DDO: variants seen among roughly 807,000 people sequenced by gnomAD.
The protein encoded by DDO is D-aspartate oxidase, also known as D-aspartate oxidase, DDO.
Under a neutral mutation model 16.8 loss-of-function variants are expected in DDO, and 16 were observed. The observed-to-expected ratio is 0.95, with a 90% CI of 0.65 to 1.45. The LOEUF is 1.45. Ranked by LOEUF, DDO falls within the 40% of genes most tolerant of loss-of-function variation. The pLI, the probability that DDO is intolerant of heterozygous loss-of-function variation, is 0.00. For synonymous variants in DDO, 180 were observed against 167.2 expected (o/e 1.08, Z -0.59); for missense variants, 429 against 420.3 (o/e 1.02, Z -0.18).
chr6:110,406,456 C>T (rs1019582943), intron 3 of DDO, among the ~76,000 whole-genome samples: 83 of 152,280 alleles, frequency 5.5e-4, no homozygotes, highest in Non-Finnish European at 9.6e-4. Flanking sequence ...CAAATCTCCC[C>T]TTAGGCATTT....
chr6:110,412,168 C>G (rs554223758), intron 2 of DDO, among the ~76,000 whole-genome samples: 30 of 152,106 alleles, frequency 2.0e-4, no homozygotes, highest in African/African-American at 6.7e-4. Context: ...ATCTCTTGAA[C>G]CCCAGAGGTG....
chr6:110,406,455 C>T (rs6922962), intron 3 of DDO, among the ~76,000 whole-genome samples: 137,598 of 152,260 alleles, frequency 0.9, 62,281 homozygotes, highest in East Asian at 0.96. Context: ...TCAAATCTCC[C>T]CTTAGGCATT....
downstream of DDO, chr6:110,388,916 A>G: frequency 1.0e-5 from 5 of 501,934 alleles, no homozygotes; most frequent in Non-Finnish European, 1.3e-5. Flanking sequence ...CTCAACTTAT[A>G]TAAACATTGA....
downstream of DDO, among the ~76,000 whole-genome samples, chr6:110,389,897 G>A (rs895506545): frequency 2.6e-5 from 4 of 152,234 alleles, no homozygotes; most frequent in Non-Finnish European, 4.4e-5. Flanking sequence ...GTAGATAAGG[G>A]AATTGGTTTC....
At chr6:110,412,248 T>C (rs1316652151) in intron 2 of DDO, among the ~76,000 whole-genome samples, 3 of 125,086 alleles carry the variant, frequency 2.4e-5, no homozygotes, top group Non-Finnish European at 5.2e-5. Context: ...GGCAAGACTC[T>C]GTCTTAAAAA....
intron 2 of DDO, among the ~76,000 whole-genome samples, chr6:110,412,092 A>G (rs917761006): frequency 2.6e-5 from 4 of 152,120 alleles, no homozygotes; most frequent in Non-Finnish European, 5.9e-5. Context: ...CTAAAAATAC[A>G]AAAATTAGCC....
At chr6:110,412,573 G>A (rs1231085040) in intron 2 of DDO, among the ~76,000 whole-genome samples, 2 of 152,210 alleles carry the variant, frequency 1.3e-5, no homozygotes, top group Non-Finnish European at 2.9e-5. Flanking sequence ...ATCATCAGAA[G>A]CGTTGAAAGT....
At chr6:110,394,329 A>G (rs1043929123) in intron 4 of DDO, among the ~76,000 whole-genome samples, 12 of 152,084 alleles carry the variant, frequency 7.9e-5, no homozygotes, top group African/African-American at 2.9e-4. Context: ...CTGGTCTGCA[A>G]CTCATGAGCT....
chr6:110,406,515 C>T (rs150398075), intron 3 of DDO, among the ~76,000 whole-genome samples: 1 of 152,320 alleles, frequency 6.6e-6, no homozygotes, highest in Non-Finnish European at 1.5e-5. Context: ...CAATCTATCT[C>T]ATCATCAACT....
At chr6:110,412,101 C>T (rs1773876841) in intron 2 of DDO, among the ~76,000 whole-genome samples, 1 of 152,024 alleles carries the variant, frequency 6.6e-6, no homozygotes, top group Non-Finnish European at 1.5e-5. Flanking sequence ...CAAAAATTAG[C>T]CGGGCGTGGT....
chr6:110,393,352 A>T lies in DDO; in HGVS notation c.459-10T>A. On this transcript the variant is annotated splice_polypyrimidine_tract_variant and intron_variant, in intron 4 of 4. Transcript: ENST00000368924. ...TCCACTTCCCTTTATCCTACGGAAGAGAGGCCATGAAGTGAATATTTGTTA... is the reference window on the plus strand; with the variant it reads ...TCCACTTCCCTTTATCCTACGGAAGTGAGGCCATGAAGTGAATATTTGTTA... The T allele has an allele frequency of 6.3e-7, 1 of 1,576,914 alleles. No individual in the cohort carries two copies. The highest frequency in any genetic ancestry group is 8.6e-7 in the Non-Finnish European group (1 of 1,159,700).
At chr6:110,415,429 C>T (rs751390738) in intron 1 of DDO, 38 bp downstream of exon 1, 13 of 1,611,710 alleles carry the variant, frequency 8.1e-6, no homozygotes, top group East Asian at 2.2e-5. Context: ...AGAGCATGGA[C>T]GGAACGACCC....
At chr6:110,408,043 C>T (rs893932257) in intron 3 of DDO, among the ~76,000 whole-genome samples, 2 of 152,166 alleles carry the variant, frequency 1.3e-5, no homozygotes, top group African/African-American at 2.4e-5. Context: ...TTACCTCCTG[C>T]GTGTTTTTTT....
chr6:110,403,913 T>A (rs1462352877), intron 4 of DDO, among the ~76,000 whole-genome samples: 1 of 152,258 alleles, frequency 6.6e-6, no homozygotes, highest in Non-Finnish European at 1.5e-5. Flanking sequence ...AAAAGTTGTG[T>A]AATTAATGAA....
At chr6:110,405,626 A>G (rs1424645463) in intron 3 of DDO, among the ~76,000 whole-genome samples, 1 of 152,240 alleles carries the variant, frequency 6.6e-6, no homozygotes, top group East Asian at 1.9e-4. Context: ...GTAAATGAAT[A>G]AATGTTATAA....
chr6:110,393,136 G>A lies in DDO; in HGVS notation c.665C>T (p.Thr222Ile), dbSNP rs771224593. Residue 222 changes from threonine to isoleucine, a missense_variant, in exon 5 of 5, where the codon ACA (threonine) becomes ATA (isoleucine). Coordinates refer to ENST00000368924, the MANE Select transcript of DDO (RefSeq NM_001372108.2). ...EHFIRDGSGL[T>I]YIYPGTSHVT... ...ATGGGATGTACCAGGATAAATATAT[G>A]TCAGCCCACTGCCATCTCGGATAAA... 1.2e-6 allele frequency: 2 copies of A among 1,614,154 alleles called. No homozygotes were observed. Among genetic ancestry groups the A allele is most frequent in the Non-Finnish European group, 1.7e-6 (2 of 1,179,990 alleles).
At chr6:110,395,114 C>G (rs1444199724) in intron 4 of DDO, among the ~76,000 whole-genome samples, 2 of 152,172 alleles carry the variant, frequency 1.3e-5, no homozygotes, top group Non-Finnish European at 2.9e-5. Context: ...CAAACATACT[C>G]CGTGTATTTC....
rs1773733430 is a variant in DDO at position 110,408,457 on chromosome 6, A to G, written c.173-15T>C. 1 of 1,609,376 alleles carries G rather than the reference A, an allele frequency of 6.2e-7. No individual in the cohort carries two copies. The highest frequency in any genetic ancestry group is 1.7e-5 in the Admixed American group (1 of 59,764). ...AATGGGTGTATCTGTAATCATGGAG[A>G]AAAGCAAAGTGGAACAGAAAGGAAA... On this transcript the variant is annotated splice_polypyrimidine_tract_variant and intron_variant, in intron 2 of 4. Coordinates refer to ENST00000368924, the MANE Select transcript of DDO (RefSeq NM_001372108.2).
chr6:110,392,570 T>C lies in DDO; in HGVS notation c.*205A>G. 8.0e-7 allele frequency: 1 copy of C among 1,244,266 alleles called. No individual in the cohort carries two copies. Among genetic ancestry groups the C allele is most frequent in the Non-Finnish European group, 1.0e-6 (1 of 995,520 alleles). 77.1% of individuals were successfully genotyped at this position (1,244,266 alleles called of 1,614,324 possible). On this transcript the variant is annotated 3_prime_UTR_variant, in exon 5 of 5. Coordinates refer to ENST00000368924, the MANE Select transcript of DDO (RefSeq NM_001372108.2). ...GTTACCCAGATTGCACTCAAACTCC[T>C]GGGCTCAACAATCCTCCTGCCTCAG... is the stretch of plus-strand genomic sequence containing the variant.
Sources: allele counts gnomAD v4.1 joint callset (sites outside exome capture counted in the v4.1 genomes callset), GRCh38; gene constraint gnomAD v4.1.1; transcripts MANE v1.5; gene names NCBI Gene and HGNC (gene_info 2026-07-23, HGNC 2026-07-21).